PLEKHA6: variants seen among roughly 807,000 people sequenced by gnomAD.
PLEKHA6 encodes pleckstrin homology domain-containing family A member 6.
A neutral mutation model predicts 116.7 loss-of-function variants in PLEKHA6; 60 were observed. The ratio of observed to expected loss-of-function variants is 0.51; its 90% confidence interval spans 0.42 to 0.64. PLEKHA6 has a LOEUF of 0.64. Ranked by LOEUF, PLEKHA6 falls within the 30% of genes least tolerant of loss-of-function variation. The probability of loss-of-function intolerance (pLI) is 0.00; values close to 1 mark genes in which losing one functional copy is unlikely to be tolerated. For missense variants in PLEKHA6, 1,338 were observed against 1,422.7 expected, an observed-to-expected ratio of 0.94 and a Z score of 0.96; for synonymous variants, 489 against 556.1, an observed-to-expected ratio of 0.88 and a Z score of 1.70.
chr1:204,366,666 C>CACGAGAATCTCT (rs1219868895), intron 3 of PLEKHA6, among the ~76,000 whole-genome samples: 1 of 152,098 alleles, frequency 6.6e-6, no homozygotes, highest in Admixed American at 6.5e-5. Context: ...GAGGCAGAGG[C>CACGAGAATCTCT]ACGAGAATCT....
intron 9 of PLEKHA6, among the ~76,000 whole-genome samples, chr1:204,254,829 C>T (rs1045353563): frequency 1.4e-4 from 22 of 152,120 alleles, no homozygotes; most frequent in African/African-American, 2.9e-4. Context: ...ACTTCTAGGT[C>T]GTGGTTTGTA....
chr1:204,219,184 A>T lies in PLEKHA6; in HGVS notation c.*3604T>A, dbSNP rs1159266530. On this transcript the variant is annotated 3_prime_UTR_variant, in exon 23 of 23. Coordinates refer to ENST00000272203, the MANE Select transcript of PLEKHA6 (RefSeq NM_014935.5). ...ACAGTTTATTGTCTAATACTAGCAA[A>T]TCAAATTGGCCCCAATATGTGCATA... 6.6e-6 allele frequency: 1 copy of T among 152,472 alleles called. No individual in the cohort carries two copies. The highest frequency in any genetic ancestry group is 6.6e-5 in the Admixed American group (1 of 15,262). 9.4% of individuals were successfully genotyped at this position (152,472 alleles called of 1,614,324 possible).
chr1:204,301,557 C>A (rs1357040103), intron 1 of PLEKHA6: 1 of 728,448 alleles, frequency 1.4e-6, no homozygotes, highest in Non-Finnish European at 1.7e-6. Context: ...CCCATGGCTT[C>A]ATCTGTACCA....
At chr1:204,334,929 C>G (rs974144352) in intron 1 of PLEKHA6, among the ~76,000 whole-genome samples, 1 of 151,910 alleles carries the variant, frequency 6.6e-6, no homozygotes, top group Non-Finnish European at 1.5e-5. Flanking sequence ...AAAACCTACT[C>G]TTTTAGCAAT....
chr1:204,270,210 A>G (rs1407455521), intron 3 of PLEKHA6, among the ~76,000 whole-genome samples: 1 of 151,740 alleles, frequency 6.6e-6, no homozygotes, highest in African/African-American at 2.4e-5. Context: ...CTCCTTCTCA[A>G]TCTCCTCTAC....
intron 1 of PLEKHA6, among the ~76,000 whole-genome samples, chr1:204,338,580 G>A (rs541701804): frequency 6.6e-6 from 1 of 152,304 alleles, no homozygotes; most frequent in South Asian, 2.1e-4. Context: ...ACATGACAGA[G>A]TCTTTGCCTT....
At chr1:204,241,298 G>A in intron 17 of PLEKHA6, 77 bp downstream of exon 17, 1 of 860,332 alleles carries the variant, frequency 1.2e-6, no homozygotes, top group Admixed American at 2.1e-5. Flanking sequence ...ACAGCAGAGG[G>A]AGATGAGTAG....
chr1:204,253,920 G>A (rs1392955171), intron 9 of PLEKHA6, among the ~76,000 whole-genome samples: 3 of 152,108 alleles, frequency 2.0e-5, no homozygotes, highest in Admixed American at 6.5e-5. Flanking sequence ...CTTCTGGAAG[G>A]CTAGTTCTGA....
At chr1:204,290,065 C>T (rs1262933399) in intron 1 of PLEKHA6, among the ~76,000 whole-genome samples, 1 of 152,168 alleles carries the variant, frequency 6.6e-6, no homozygotes, top group African/African-American at 2.4e-5. Context: ...GAGAAAAATA[C>T]TGTTTTCATG....
chr1:204,293,048 G>A (rs555510990), intron 1 of PLEKHA6, among the ~76,000 whole-genome samples: 2 of 152,296 alleles, frequency 1.3e-5, no homozygotes, highest in Admixed American at 1.3e-4. Flanking sequence ...TCTGAGGGTG[G>A]GATGACTGGG....
chr1:204,350,727 G>A (rs892742282), intron 1 of PLEKHA6, among the ~76,000 whole-genome samples: 1 of 152,066 alleles, frequency 6.6e-6, no homozygotes, highest in Non-Finnish European at 1.5e-5. Context: ...CAGGACTGAC[G>A]TCTTGGTTTG....
At chr1:204,254,425 G>A (rs1456392442) in intron 9 of PLEKHA6, among the ~76,000 whole-genome samples, 1 of 152,126 alleles carries the variant, frequency 6.6e-6, no homozygotes, top group Non-Finnish European at 1.5e-5. Flanking sequence ...AACAGTTGCA[G>A]CTATAGCATC....
Position 204,249,176 on chromosome 1 carries a change from C to T in PLEKHA6, c.1674+8G>A, listed in dbSNP as rs1571873129. ...TGCCCCAGCTTAAAGCCACCCCCAG[C>T]TTCTCACCTTCTCAGCTCGGAGCTG... On this transcript the variant is annotated splice_region_variant and intron_variant, in intron 11 of 22. Transcript: ENST00000272203. 2 of 1,609,718 alleles carry T rather than the reference C, an allele frequency of 1.2e-6. No individual in the cohort carries two copies. The highest frequency in any genetic ancestry group is 1.7e-6 in the Non-Finnish European group (2 of 1,176,526).
At chr1:204,298,562 C>G (rs143325548) in intron 1 of PLEKHA6, among the ~76,000 whole-genome samples, 12 of 152,148 alleles carry the variant, frequency 7.9e-5, no homozygotes, top group Admixed American at 7.2e-4. Context: ...AGGCCTTGCC[C>G]GTCCTCATGC....
chr1:204,265,185 A>G, intron 5 of PLEKHA6, 143 bp from the exon 6 acceptor site: 1 of 665,510 alleles, frequency 1.5e-6, no homozygotes, highest in South Asian at 1.7e-5. Context: ...TCAGGCACTC[A>G]GGGCCACCAC....
intron 3 of PLEKHA6, among the ~76,000 whole-genome samples, chr1:204,272,938 CT>C (rs1257591940): frequency 6.6e-6 from 1 of 152,152 alleles, no homozygotes; most frequent in Non-Finnish European, 1.5e-5. Flanking sequence ...GGTTTCTATG[CT>C]ATGCTCTTTC....
At chr1:204,333,474 G>A (rs532272774) in intron 1 of PLEKHA6, among the ~76,000 whole-genome samples, 152 of 152,264 alleles carry the variant, frequency 1.0e-3, no homozygotes, top group Non-Finnish European at 1.4e-3. Flanking sequence ...TTTGCATAGC[G>A]TTTTACACAC....
chr1:204,280,705 C>T (rs1347020906), intron 1 of PLEKHA6, among the ~76,000 whole-genome samples: 1 of 152,208 alleles, frequency 6.6e-6, no homozygotes, highest in Admixed American at 6.5e-5. Flanking sequence ...TCTGCTGCCA[C>T]AGAGGAGGGG....
rs12407815 is a variant in PLEKHA6 at position 204,373,256 on chromosome 1, T to C, written c.84-1650A>G. On this transcript the variant is annotated intron_variant, in intron 1 of 4. Transcript: ENST00000564627. ...GGCATGCAACACCACGCCTGGCTAA[T>C]TTTTCGTGTATTTTCAGTAGAGACG... 0.017 allele frequency among the ~76,000 whole-genome samples: 2,660 copies of C among 152,226 alleles called. 213 individuals carry two copies. The East Asian group carries it at 0.26, about 15-fold the overall frequency.
Sources: allele counts gnomAD v4.1 joint callset (sites outside exome capture counted in the v4.1 genomes callset), GRCh38; gene constraint gnomAD v4.1.1; transcripts MANE v1.5; gene names NCBI Gene and HGNC (gene_info 2026-07-23, HGNC 2026-07-21).